The following XYLT1 variants were observed in gnomAD, a reference collection of about 807,000 sequenced individuals.
XYLT1 encodes the protein xylosyltransferase 1.
XYLT1 carries 36 observed loss-of-function variants against 91.3 expected under a neutral mutation model. The observed-to-expected ratio is 0.39, with a 90% CI of 0.30 to 0.52. XYLT1 has a LOEUF of 0.52. Among genes scored for constraint, XYLT1 ranks in the 20% least tolerant of loss-of-function variants. XYLT1 has a pLI of 0.68. For synonymous variants in XYLT1, 588 were observed against 532.0 expected, an observed-to-expected ratio of 1.11 and a Z score of -1.45; for missense variants, 1,242 against 1,284.5, an observed-to-expected ratio of 0.97 and a Z score of 0.51.
chr16:17,298,470 A>C (rs2034347846), intron 2 of XYLT1, among the ~76,000 whole-genome samples: 1 of 152,156 alleles, frequency 6.6e-6, no homozygotes, highest in African/African-American at 2.4e-5. Context: ...CCACACTGCT[A>C]TTGAGTGGAG....
chr16:17,291,783 A>G (rs7200407), intron 2 of XYLT1, among the ~76,000 whole-genome samples: 103,483 of 152,074 alleles, frequency 0.68, 37,367 homozygotes, highest in African/African-American at 0.93. Flanking sequence ...CAAAAATGCC[A>G]TGTTCCAAAA....
At chr16:17,282,403 G>C (rs78865013) in intron 2 of XYLT1, among the ~76,000 whole-genome samples, 15,543 of 152,232 alleles carry the variant, frequency 0.1, 1,024 homozygotes, top group African/African-American at 0.18. Flanking sequence ...AGCAGGGGGA[G>C]AAAGAGGAAA....
At position 17,470,762 on chromosome 16, in the gene XYLT1, CG is replaced by C; in HGVS notation, c.34del (p.Arg12GlyfsTer182). 1 of 1,081,052 alleles carries C rather than the reference CG, an allele frequency of 9.3e-7. No homozygotes were observed. Among genetic ancestry groups the C allele is most frequent in the Non-Finnish European group, 1.1e-6 (1 of 884,942 alleles). 67.0% of individuals were successfully genotyped at this position (1,081,052 alleles called of 1,614,324 possible). ...CGCGAGCAGCGCCGAGTGCGAGCGC[CG>C]GGCCAGCCTCCGGGCGCACGGCGCC... ...VAAPCARRLA[R>X]RSHSALLAAL... On this transcript the variant is annotated frameshift_variant, in exon 1 of 12. Coordinates refer to ENST00000261381, the MANE Select transcript of XYLT1 (RefSeq NM_022166.4). LOFTEE classifies it high-confidence loss of function.
intron 3 of XYLT1, among the ~76,000 whole-genome samples, chr16:17,223,852 C>G (rs2033015906): frequency 6.6e-6 from 1 of 152,242 alleles, no homozygotes; most frequent in Non-Finnish European, 1.5e-5. Context: ...AAGAGAAGCT[C>G]TATCTACCAA....
intron 1 of XYLT1, among the ~76,000 whole-genome samples, chr16:17,466,664 A>G (rs1401750398): frequency 6.6e-6 from 1 of 152,268 alleles, no homozygotes; most frequent in Non-Finnish European, 1.5e-5. Flanking sequence ...CGTCTAAAGT[A>G]TGAAAAGACC....
At chr16:17,239,874 C>A (rs1026637326) in intron 3 of XYLT1, among the ~76,000 whole-genome samples, 6 of 152,168 alleles carry the variant, frequency 3.9e-5, no homozygotes, top group African/African-American at 1.4e-4. Flanking sequence ...CTCATCCCAT[C>A]CATGTTTTCA....
intron 3 of XYLT1, among the ~76,000 whole-genome samples, chr16:17,245,405 C>T (rs540002136): frequency 2.0e-5 from 3 of 152,280 alleles, no homozygotes; most frequent in Non-Finnish European, 2.9e-5. Context: ...TATTAATTTG[C>T]GCTTTGTGGC....
intron 3 of XYLT1, among the ~76,000 whole-genome samples, chr16:17,209,459 C>T (rs982153019): frequency 2.2e-5 from 3 of 136,188 alleles, no homozygotes; most frequent in Admixed American, 7.4e-5. Flanking sequence ...TTGCTCTGAA[C>T]ATGGGTGTAC....
At chr16:17,270,260 C>T (rs1004997871) in intron 2 of XYLT1, among the ~76,000 whole-genome samples, 5 of 152,204 alleles carry the variant, frequency 3.3e-5, no homozygotes, top group African/African-American at 9.7e-5. Flanking sequence ...TTATGTTTGA[C>T]GCAGCCCAAG....
intron 2 of XYLT1, among the ~76,000 whole-genome samples, chr16:17,327,862 A>G (rs2034836737): frequency 6.6e-6 from 1 of 152,076 alleles, no homozygotes; most frequent in Admixed American, 6.6e-5. Flanking sequence ...GATTAAAGTA[A>G]CTAACAGCCA....
chr16:17,448,743 G>GGAGGAGGAGGGCAGAGGAA (rs1258036093), intron 1 of XYLT1, among the ~76,000 whole-genome samples: 1 of 151,906 alleles, frequency 6.6e-6, no homozygotes, highest in Non-Finnish European at 1.5e-5. Context: ...GGAGGGTGGA[G>GGAGGAGGAGGGCAGAGGAA]GAGGAGGAGG....
intron 7 of XYLT1, among the ~76,000 whole-genome samples, chr16:17,139,692 C>CTGAT (rs1597147446): frequency 6.6e-6 from 1 of 152,218 alleles, no homozygotes; most frequent in Admixed American, 6.5e-5. Flanking sequence ...TACCCAATTA[C>CTGAT]TGATTGCCCT....
intron 1 of XYLT1, among the ~76,000 whole-genome samples, chr16:17,359,691 C>T (rs894775440): frequency 6.6e-6 from 1 of 152,206 alleles, no homozygotes; most frequent in African/African-American, 2.4e-5. Context: ...CCCGTCTCCC[C>T]ACATTGCAGC....
chr16:17,108,884 G>A lies in XYLT1; in HGVS notation c.2691C>T (p.Ser897=). ...GCCATCCCTCCAGCGCTGTGCCCGT[G>A]GAGGCTGCGTTCCTCCGTGCCTGTT... The part of the protein sequence containing the change: ...QVEQARRNAA[S]TGTALEGWLD... The change falls in exon 12 of 12, where the codon TCC becomes TCT. Residue 897 remains serine (S), a synonymous_variant. Coordinates refer to ENST00000261381, the MANE Select transcript of XYLT1 (RefSeq NM_022166.4). The A allele has an allele frequency of 6.2e-7, 1 of 1,611,744 alleles. No individual in the cohort carries two copies. The highest frequency in any genetic ancestry group is 1.1e-5 in the South Asian group (1 of 90,818).
chr16:17,419,891 C>T (rs2036229932), intron 1 of XYLT1, among the ~76,000 whole-genome samples: 1 of 152,110 alleles, frequency 6.6e-6, no homozygotes, highest in African/African-American at 2.4e-5. Flanking sequence ...AGTTAGGAAA[C>T]CACTGGGTCA....
At chr16:17,293,026 C>A (rs990709000) in intron 2 of XYLT1, among the ~76,000 whole-genome samples, 4 of 152,160 alleles carry the variant, frequency 2.6e-5, no homozygotes, top group African/African-American at 7.2e-5. Flanking sequence ...GGCATGGGAG[C>A]ATTTCAGAGC....
intron 10 of XYLT1, among the ~76,000 whole-genome samples, chr16:17,119,664 T>C (rs1180387936): frequency 1.3e-5 from 2 of 152,186 alleles, no homozygotes; most frequent in Non-Finnish European, 2.9e-5. Context: ...CAGTTGATAC[T>C]CCCAAATCCA....
At chr16:17,202,377 T>C (rs1044929315) in intron 3 of XYLT1, among the ~76,000 whole-genome samples, 13 of 152,194 alleles carry the variant, frequency 8.5e-5, no homozygotes, top group Admixed American at 4.6e-4. Context: ...CAAGACAAGA[T>C]TGACGTAGAT....
In XYLT1 at chr16:17,378,710, C is replaced by T. The variant is rs115302987; in HGVS notation, c.364-20660G>A. Among the ~76,000 whole-genome samples the T allele has an allele frequency of 8.8e-4, 134 of 152,346 alleles. 1 individual carries two copies. The highest frequency in any genetic ancestry group is 3.1e-3 in the African/African-American group (130 of 41,590). ...ACAACACTGTAAGGCAAATTACGAC[C>T]AGTTCACAGCCAGGAAAACTGAGAC... On this transcript the variant is annotated intron_variant, in intron 1 of 11. Transcript: ENST00000261381.
Sources: allele counts gnomAD v4.1 joint callset (sites outside exome capture counted in the v4.1 genomes callset), GRCh38; gene constraint gnomAD v4.1.1; transcripts MANE v1.5; gene names NCBI Gene and HGNC (gene_info 2026-07-23, HGNC 2026-07-21).